Variants in RAB33B observed in about 807,000 individuals in gnomAD.
RAB33B encodes RAB33B, member RAS oncogene family, also known as ras-related protein Rab-33B.
In RAB33B, 6 loss-of-function variants were observed where a neutral mutation model predicts 15.0. The observed-to-expected ratio is 0.40, with a 90% CI of 0.22 to 0.79. The LOEUF is 0.79. RAB33B is among the 30% of genes least tolerant of loss of function. The pLI, the probability that RAB33B is intolerant of heterozygous loss-of-function variation, is 0.37. For synonymous variants in RAB33B, 117 were observed against 108.3 expected (o/e 1.08, Z -0.50); for missense variants, 257 against 296.4 (o/e 0.87, Z 0.98).
chr4:139,454,696 T>A (rs1750028993), intron 1 of RAB33B, among the ~76,000 whole-genome samples: 1 of 152,206 alleles, frequency 6.6e-6, no homozygotes, highest in South Asian at 2.1e-4. Flanking sequence ...ATAATCTCGC[T>A]GATGATGCAG....
chr4:139,464,246 C>T (rs922506994), intron 1 of RAB33B, among the ~76,000 whole-genome samples: 18 of 152,092 alleles, frequency 1.2e-4, no homozygotes, highest in Non-Finnish European at 2.5e-4. Context: ...CACTGCATTC[C>T]AGCCTGGAGG....
At chr4:139,458,449 C>T (rs1250254121) in intron 1 of RAB33B, among the ~76,000 whole-genome samples, 1 of 152,220 alleles carries the variant, frequency 6.6e-6, no homozygotes, top group Non-Finnish European at 1.5e-5. Context: ...TGATCTTCCA[C>T]CTCCCACCTT....
intron 1 of RAB33B, among the ~76,000 whole-genome samples, chr4:139,464,410 T>A (rs58179564): frequency 0.25 from 36,795 of 145,606 alleles, 5,107 homozygotes; most frequent in African/African-American, 0.31. Context: ...TTTTTTTTTT[T>A]TTATACTTTA....
intron 1 of RAB33B, among the ~76,000 whole-genome samples, chr4:139,465,722 C>T (rs1217142946): frequency 1.4e-4 from 19 of 133,236 alleles, no homozygotes; most frequent in Admixed American, 1.2e-3. Flanking sequence ...TCTTCTTCTT[C>T]TTTTTTTTTT....
At chr4:139,438,861 G>T in the RAB33B span, among the ~76,000 whole-genome samples, 2 of 152,098 alleles carry the variant, frequency 1.3e-5, no homozygotes, top group Non-Finnish European at 2.9e-5. Flanking sequence ...TACAAGTTCA[G>T]TTACTGTCTA....
rs181381419 is a variant in RAB33B at position 139,457,350 on chromosome 4, C to T, written c.249+2906C>T. ...GAGACTCCTAACTCTAATCCTTATG[C>T]TCCTTCCTCGTGTGTATATCCCCTT... On this transcript the variant is annotated intron_variant, in intron 1 of 1. Transcript: ENST00000305626. Among the ~76,000 whole-genome samples, 9 of 152,306 alleles carry T rather than the reference C, an allele frequency of 5.9e-5. No individual in the cohort carries two copies. In the East Asian group the frequency reaches 1.7e-3, roughly 29 times the overall value.
At position 139,472,739 on chromosome 4, in the gene RAB33B, G is replaced by A. The variant is rs771557278; in HGVS notation, c.303G>A (p.Gln101=). The A allele has an allele frequency of 1.2e-6, 2 of 1,613,474 alleles. No homozygotes were observed. Among genetic ancestry groups the A allele is most frequent in the African/African-American group, 1.3e-5 (1 of 74,930 alleles). Reference sequence around the variant, plus strand: ...AACGATTCAGAAAGAGCATGGTTCAGCACTACTACAGAAATGTACATGCTG... The same window carrying A: ...AACGATTCAGAAAGAGCATGGTTCAACACTACTACAGAAATGTACATGCTG... ...GQERFRKSMV[Q]HYYRNVHAVV... The change falls in exon 2 of 2, where the codon CAG becomes CAA. Residue 101 remains glutamine, a synonymous_variant. Coordinates refer to ENST00000305626, the MANE Select transcript of RAB33B (RefSeq NM_031296.3).
the RAB33B span, among the ~76,000 whole-genome samples, chr4:139,442,334 G>T: frequency 6.6e-6 from 1 of 152,132 alleles, no homozygotes; most frequent in Admixed American, 6.5e-5. Flanking sequence ...CCCTGCTGAG[G>T]TTTCAAATAC....
chr4:139,472,972 C>T lies in RAB33B; in HGVS notation c.536C>T (p.Ala179Val). 1 of 1,614,122 alleles carries T rather than the reference C, an allele frequency of 6.2e-7. No individual in the cohort carries two copies. Among genetic ancestry groups the T allele is most frequent in the South Asian group, 1.1e-5 (1 of 91,076 alleles). The change falls in exon 2 of 2, where the codon GCT becomes GTT. Residue 179 changes from alanine (A) to valine (V), a missense_variant. Transcript: ENST00000305626. ...THSMPLFETS[A>V]KNPNDNDHVE... is the part of the protein sequence containing the mutation. ...AGTATGCCTTTGTTTGAAACGTCTGCTAAAAACCCCAATGATAATGACCAT... is the reference window on the plus strand; with the variant it reads ...AGTATGCCTTTGTTTGAAACGTCTGTTAAAAACCCCAATGATAATGACCAT...
At chr4:139,460,045 A>G (rs1406313521) in intron 1 of RAB33B, among the ~76,000 whole-genome samples, 1 of 152,170 alleles carries the variant, frequency 6.6e-6, no homozygotes, top group East Asian at 1.9e-4. Context: ...TGATAAGGGA[A>G]AATAAAGGGG....
At chr4:139,458,655 A>G (rs1325619683) in intron 1 of RAB33B, among the ~76,000 whole-genome samples, 1 of 152,182 alleles carries the variant, frequency 6.6e-6, no homozygotes, top group Non-Finnish European at 1.5e-5. Context: ...TATCCTGTCT[A>G]CCATTGATGG....
chr4:139,451,513 T>C (rs1749926887), upstream of RAB33B: 1 of 152,012 alleles, frequency 6.6e-6, no homozygotes, highest in African/African-American at 2.4e-5. Flanking sequence ...TATCCGGGAT[T>C]ACAGGCATGT....
the RAB33B span, among the ~76,000 whole-genome samples, chr4:139,438,408 C>T: frequency 6.6e-6 from 1 of 152,164 alleles, no homozygotes; most frequent in African/African-American, 2.4e-5. Flanking sequence ...ATTAAGAAAA[C>T]AACCAGACGG....
the RAB33B span, among the ~76,000 whole-genome samples, chr4:139,447,911 C>T: frequency 6.6e-6 from 1 of 151,940 alleles, no homozygotes; most frequent in African/African-American, 2.4e-5. Flanking sequence ...TCGTGATCTG[C>T]CCGCCTCGGC....
rs559244851 is a variant in RAB33B at position 139,474,242 on chromosome 4, A to G, written c.*1116A>G. 1 of 152,302 alleles carries G rather than the reference A, an allele frequency of 6.6e-6. No homozygotes were observed. Among genetic ancestry groups the G allele is most frequent in the Admixed American group, 6.5e-5 (1 of 15,288 alleles). The allele number at this position is 152,302 out of a possible 1,614,324, so 9.4% of individuals were successfully genotyped here. The stretch of plus-strand genomic sequence containing the variant: ...CTAAATCCTATTAAAATATGCAAAA[A>G]TAAGTCAGATTTTAAGGCAAATAAA... On this transcript the variant is annotated 3_prime_UTR_variant, in exon 2 of 2. Transcript: ENST00000305626.
At chr4:139,471,045 C>T (rs1369170226) in intron 1 of RAB33B, among the ~76,000 whole-genome samples, 1 of 152,124 alleles carries the variant, frequency 6.6e-6, no homozygotes, top group Non-Finnish European at 1.5e-5. Flanking sequence ...CTTGGCTGTC[C>T]CAGCTGGAGT....
At chr4:139,461,376 CACGT>C (rs1750168040) in intron 1 of RAB33B, among the ~76,000 whole-genome samples, 1 of 152,132 alleles carries the variant, frequency 6.6e-6, no homozygotes, top group African/African-American at 2.4e-5. Context: ...TCAGGTAGTC[CACGT>C]TTAAATTCTG....
chr4:139,473,058 A>C lies in RAB33B; in HGVS notation c.622A>C (p.Ser208Arg). ...KLKSHKPLMLSQPPDNGIILK... is the reference protein window; with the variant it reads ...KLKSHKPLMLRQPPDNGIILK... The stretch of plus-strand genomic sequence containing the variant: ...TAAGAGCCACAAACCATTAATGCTT[A>C]GTCAGCCCCCTGATAATGGAATTAT... Residue 208 changes from serine (S) to arginine (R), a missense_variant, in exon 2 of 2, where the codon AGT becomes CGT. Ser to Arg is a moderately radical substitution (Grantham distance 110, BLOSUM62 -1). Transcript: ENST00000305626. 1 of 1,614,102 alleles carries C rather than the reference A, an allele frequency of 6.2e-7. No homozygotes were observed. The highest frequency in any genetic ancestry group is 8.5e-7 in the Non-Finnish European group (1 of 1,179,988).
chr4:139,460,822 A>G (rs1750157427), intron 1 of RAB33B, among the ~76,000 whole-genome samples: 1 of 152,220 alleles, frequency 6.6e-6, no homozygotes, highest in African/African-American at 2.4e-5. Context: ...TGTAAGTAAT[A>G]TACATTTTCA....
Sources: allele counts gnomAD v4.1 joint callset (sites outside exome capture counted in the v4.1 genomes callset), GRCh38; gene constraint gnomAD v4.1.1; transcripts MANE v1.5; gene names NCBI Gene and HGNC (gene_info 2026-07-23, HGNC 2026-07-21).